RPS6KA3: variants seen among roughly 807,000 people sequenced by gnomAD.
RPS6KA3 encodes the protein ribosomal protein S6 kinase alpha-3.
Under a neutral mutation model 67.2 loss-of-function variants are expected in RPS6KA3, and 4 were observed. The observed-to-expected ratio is 0.06, with a 90% confidence interval of 0.03 to 0.14. RPS6KA3 has a LOEUF of 0.14. Ranked by LOEUF, RPS6KA3 falls within the 10% of genes least tolerant of loss-of-function variation. RPS6KA3 has a pLI of 1.00. For synonymous variants in RPS6KA3, 182 were observed against 183.7 expected (o/e 0.99, Z 0.07); for missense variants, 204 against 559.0 (o/e 0.36, Z 6.40).
At chrX:20,156,008 G>C in intron 21 of RPS6KA3, 101 bp downstream of exon 21, 1 of 897,667 alleles carries the variant, frequency 1.1e-6, no homozygotes, top group Non-Finnish European at 1.6e-6. Flanking sequence ...AACAGAACTG[G>C]ATGCAGGATG....
chrX:20,261,589 C>T (rs2070231745), intron 1 of RPS6KA3, among the ~76,000 whole-genome samples: 1 of 111,885 alleles, frequency 8.9e-6, no homozygotes, highest in Non-Finnish European at 1.9e-5. Context: ...AATAAATAGG[C>T]CAAATGTATT....
intron 1 of RPS6KA3, 101 bp downstream of exon 1, chrX:20,266,463 C>T: frequency 4.4e-6 from 3 of 677,587 alleles, no homozygotes; most frequent in African/African-American, 2.2e-5. Context: ...AAGACGCGAG[C>T]GGGATCAGAA....
In RPS6KA3 at chrX:20,164,923, G is replaced by A. The variant is rs1226413444; in HGVS notation, c.1740C>T (p.Tyr580=). The A allele has an allele frequency of 3.3e-6, 4 of 1,207,662 alleles. No homozygotes were observed. The highest frequency in any genetic ancestry group is 3.4e-6 in the Non-Finnish European group (3 of 893,230). Residue 580 remains tyrosine, a synonymous_variant, in exon 18 of 22, where the codon TAC becomes TAT. Transcript: ENST00000379565. ...CCTCTGGTGCAACAAAATTTGCAGTGTAACAAGGAGTCATGAGAAGACCAT... is the reference window on the plus strand; with the variant it reads ...CCTCTGGTGCAACAAAATTTGCAGTATAACAAGGAGTCATGAGAAGACCAT... ...AENGLLMTPC[Y]TANFVAPEVL...
At chrX:20,157,676 T>G (rs1422230443) in intron 20 of RPS6KA3, among the ~76,000 whole-genome samples, 1 of 110,671 alleles carries the variant, frequency 9.0e-6, no homozygotes, top group Non-Finnish European at 1.9e-5. Context: ...GTGAGGTGGC[T>G]TAAAAGGGAC....
chrX:20,233,267 T>A (rs1169455786), intron 2 of RPS6KA3, among the ~76,000 whole-genome samples: 3 of 112,088 alleles, frequency 2.7e-5, no homozygotes, highest in Non-Finnish European at 5.6e-5. Flanking sequence ...TATACTGAAA[T>A]TTTGACAGGA....
chrX:20,248,100 G>T (rs2069750770), intron 1 of RPS6KA3, among the ~76,000 whole-genome samples: 3 of 111,874 alleles, frequency 2.7e-5, no homozygotes, highest in East Asian at 2.8e-4. Context: ...AAACAGGAAA[G>T]CTGTTTGTTG....
At chrX:20,173,593 C>T (rs1410584398) in intron 14 of RPS6KA3, among the ~76,000 whole-genome samples, 2 of 112,006 alleles carry the variant, frequency 1.8e-5, no homozygotes, top group South Asian at 3.7e-4. Context: ...ATGAGACATC[C>T]ATGCCTATGA....
intron 20 of RPS6KA3, among the ~76,000 whole-genome samples, chrX:20,157,729 G>T (rs996581336): frequency 4.5e-5 from 5 of 110,749 alleles, no homozygotes; most frequent in Non-Finnish European, 9.4e-5. Flanking sequence ...GCAGGAGCTA[G>T]ATTAGAGAAA....
chrX:20,208,988 G>T (rs2068641391), intron 3 of RPS6KA3, among the ~76,000 whole-genome samples: 1 of 110,912 alleles, frequency 9.0e-6, no homozygotes. Flanking sequence ...TCAAAAAGAG[G>T]CCAGTGTATC....
chrX:20,221,549 T>C (rs915882561), intron 2 of RPS6KA3, among the ~76,000 whole-genome samples: 1 of 111,853 alleles, frequency 8.9e-6, no homozygotes, highest in Admixed American at 9.5e-5. Flanking sequence ...AAGGGACAGA[T>C]AGTAAATATT....
chrX:20,168,988 G>T (rs1277517467), intron 16 of RPS6KA3, among the ~76,000 whole-genome samples: 1 of 110,916 alleles, frequency 9.0e-6, no homozygotes, highest in African/African-American at 3.3e-5. Context: ...GAGTAGCTGC[G>T]ACTATAGGCA....
In RPS6KA3 at chrX:20,164,744, C is replaced by T. The variant is rs59390296; in HGVS notation, c.1764+155G>A. Among the ~76,000 whole-genome samples the T allele has an allele frequency of 0.027, 3,036 of 111,560 alleles. 110 individuals are homozygous for T. Among genetic ancestry groups the T allele is most frequent in the African/African-American group, 0.094 (2,873 of 30,645 alleles). On this transcript the variant is annotated intron_variant, in intron 18 of 21. Transcript: ENST00000379565. Reference sequence around the variant, plus strand: ...TTCTTCTGTAGGCAATCAGATGTCACTGAAACATTAAACAGGGAAATGAAA... The same window carrying T: ...TTCTTCTGTAGGCAATCAGATGTCATTGAAACATTAAACAGGGAAATGAAA...
chrX:20,165,930 A>C lies in RPS6KA3; in HGVS notation c.1603-870T>G, dbSNP rs144635821. Among the ~76,000 whole-genome samples the C allele has an allele frequency of 5.4e-5, 6 of 111,605 alleles. No individual in the cohort carries two copies. The South Asian group carries it at 1.9e-3, about 35-fold the overall frequency. On this transcript the variant is annotated intron_variant, in intron 17 of 21. Coordinates refer to ENST00000379565, the MANE Select transcript of RPS6KA3 (RefSeq NM_004586.3). ...TTGAGGATAATACCGAAGTCTCTCT[A>C]TATTTTTTCCTAGATATATATACCT...
intron 4 of RPS6KA3, chrX:20,203,526 G>T (rs1264611095): frequency 8.9e-6 from 1 of 112,463 alleles, no homozygotes; most frequent in East Asian, 2.8e-4. Context: ...GCCTCCCAAA[G>T]TGCTGGGATT....
intron 1 of RPS6KA3, among the ~76,000 whole-genome samples, chrX:20,259,360 T>G (rs2070162547): frequency 9.0e-6 from 1 of 111,671 alleles, no homozygotes; most frequent in Non-Finnish European, 1.9e-5. Flanking sequence ...GTAGGGGCAA[T>G]TAGCTTGATA....
intron 2 of RPS6KA3, among the ~76,000 whole-genome samples, chrX:20,225,452 A>G (rs1165384890): frequency 9.0e-6 from 1 of 110,515 alleles, no homozygotes; most frequent in Non-Finnish European, 1.9e-5. Context: ...TATTTTCCTA[A>G]GTGGTATATA....
intron 2 of RPS6KA3, among the ~76,000 whole-genome samples, chrX:20,230,865 GA>G (rs1489811213): frequency 9.0e-6 from 1 of 110,648 alleles, no homozygotes; most frequent in East Asian, 2.8e-4. Flanking sequence ...AAACATAGCA[GA>G]AAAAAAATCC....
At chrX:20,251,090 A>T (rs186475982) in intron 1 of RPS6KA3, among the ~76,000 whole-genome samples, 12 of 111,687 alleles carry the variant, frequency 1.1e-4, no homozygotes, top group African/African-American at 3.3e-4. Flanking sequence ...GGTTGACAGT[A>T]TCTTCTTTCA....
rs766164918 is a variant in RPS6KA3 at position 20,156,136 on chromosome X, G to A, written c.2073C>T (p.Asn691=). The change falls in exon 21 of 22, where the codon AAC becomes AAT. Residue 691 remains asparagine (N), a synonymous_variant. Transcript: ENST00000379565. ...TTACTAGATGTGGTGCATCCTGTCT[G>A]TTTAGTTGGTATTGTGGCAGTTGGT... ...HWDQLPQYQL[N]RQDAPHLVKG... 96 of 1,209,080 alleles carry A rather than the reference G, an allele frequency of 7.9e-5. No homozygotes were observed. The South Asian group carries it at 1.6e-3, about 20-fold the overall frequency.
Sources: allele counts gnomAD v4.1 joint callset (sites outside exome capture counted in the v4.1 genomes callset), GRCh38; gene constraint gnomAD v4.1.1; transcripts MANE v1.5; gene names NCBI Gene and HGNC (gene_info 2026-07-23, HGNC 2026-07-21).